The following POTEF variants were observed in gnomAD, a reference collection of about 807,000 sequenced individuals.
POTEF encodes the protein POTE ankyrin domain family member F.
In POTEF, 20 loss-of-function variants were observed where a neutral mutation model predicts 83.2. That is an observed-to-expected ratio of 0.24 (90% confidence interval 0.17 to 0.35). The LOEUF (loss-of-function observed/expected upper bound fraction) is 0.35. Among genes scored for constraint, POTEF ranks in the 10% least tolerant of loss-of-function variants. The pLI is 1.00. For synonymous variants in POTEF, 196 were observed against 446.4 expected, an observed-to-expected ratio of 0.44 and a Z score of 7.07; for missense variants, 550 against 1,203.2, an observed-to-expected ratio of 0.46 and a Z score of 8.03.
intron 5 of POTEF, among the ~76,000 whole-genome samples, chr2:130,114,338 T>A (rs2104820160): frequency 6.6e-6 from 1 of 151,262 alleles, no homozygotes; most frequent in East Asian, 1.9e-4. Flanking sequence ...TTCCCTCCAT[T>A]ATCTAATTTC....
In POTEF at chr2:130,115,477, T is replaced by A. The variant is rs556704038; in HGVS notation, c.522-149A>T. 7.6e-4 allele frequency: 842 copies of A among 1,101,982 alleles called. 22 individuals carry two copies. The South Asian group carries it at 0.013, about 17-fold the overall frequency. 68.3% of individuals were successfully genotyped at this position (1,101,982 alleles called of 1,614,324 possible). ...TTTCCCATGAAAAAAGCACACTATTTATTATCTCTCATTGCTCGCTGTATT... is the reference window on the plus strand; with the variant it reads ...TTTCCCATGAAAAAAGCACACTATTAATTATCTCTCATTGCTCGCTGTATT... On this transcript the variant is annotated intron_variant, in intron 3 of 16. Transcript: ENST00000409914.
rs1442097965 is a variant in POTEF, at chr2:130,075,227, G to C, written c.2245C>G (p.Gln749Glu). 2 of 1,612,510 alleles carry C rather than the reference G, an allele frequency of 1.2e-6. No individual in the cohort carries two copies. The highest frequency in any genetic ancestry group is 3.3e-5 in the Admixed American group (2 of 59,918). ...TCCTTGCCCACATAGGACTCTTTCT[G>C]ATGCATGCCCCCCATCATGCCCTGC... ...RQQGMMGGMH[Q>E]KESYVGKEAQ... The change falls in exon 17 of 17, where the codon CAG becomes GAG. Residue 749 changes from glutamine (Q) to glutamate (E), a missense_variant. Coordinates refer to ENST00000409914, the MANE Select transcript of POTEF (RefSeq NM_001099771.2).
At chr2:130,110,131 C>T (rs1684668990) in intron 7 of POTEF, among the ~76,000 whole-genome samples, 3 of 151,436 alleles carry the variant, frequency 2.0e-5, no homozygotes, top group Admixed American at 6.6e-5. Context: ...TGAACTCCTT[C>T]GGTTCTTGAA....
chr2:130,116,847 AAGG>A (rs1433154540), intron 3 of POTEF, among the ~76,000 whole-genome samples: 3 of 106,932 alleles, frequency 2.8e-5, no homozygotes, highest in Non-Finnish European at 1.9e-5. Context: ...TTCTGTTTGA[AAGG>A]AGGGAGGAAA....
At chr2:130,125,762 C>T (rs1175194366) in intron 2 of POTEF, among the ~76,000 whole-genome samples, 12 of 151,754 alleles carry the variant, frequency 7.9e-5, no homozygotes, top group African/African-American at 2.2e-4. Context: ...AAAAAGTAGC[C>T]GGGCGTGGTG....
At chr2:130,083,374 G>A (rs1683943814) in intron 15 of POTEF, among the ~76,000 whole-genome samples, 1 of 152,000 alleles carries the variant, frequency 6.6e-6, no homozygotes, top group African/African-American at 2.4e-5. Context: ...TGAGGACTGA[G>A]CCATGAGAAA....
chr2:130,101,012 T>C (rs201668009), intron 9 of POTEF, among the ~76,000 whole-genome samples: 3 of 146,790 alleles, frequency 2.0e-5, no homozygotes, highest in Non-Finnish European at 4.4e-5. Flanking sequence ...GCAAACTTAA[T>C]TTGGTCACCA....
chr2:130,092,149 C>A (rs1324775841), intron 12 of POTEF, among the ~76,000 whole-genome samples: 1 of 22,258 alleles, frequency 4.5e-5, no homozygotes, highest in East Asian at 9.9e-4. Context: ...GCATCTAGCA[C>A]ACAGTAAGCA....
In POTEF at chr2:130,074,207, T is replaced by G; in HGVS notation, c.*37A>C. 6.2e-7 allele frequency: 1 copy of G among 1,607,810 alleles called. No homozygotes were observed. The highest frequency in any genetic ancestry group is 8.5e-7 in the Non-Finnish European group (1 of 1,177,916). Reference sequence around the variant, plus strand: ...TTGTTTTCTGAGAAGTTTGGTTTTGTCAAGAAAGGGTGTAACGCAACTAAG... The same window carrying G: ...TTGTTTTCTGAGAAGTTTGGTTTTGGCAAGAAAGGGTGTAACGCAACTAAG... On this transcript the variant is annotated 3_prime_UTR_variant, in exon 17 of 17. Coordinates refer to ENST00000409914, the MANE Select transcript of POTEF (RefSeq NM_001099771.2).
chr2:130,122,176 ATATTT>A (rs1387831466), intron 2 of POTEF, among the ~76,000 whole-genome samples: 2 of 147,168 alleles, frequency 1.4e-5, no homozygotes, highest in East Asian at 2.1e-4. Flanking sequence ...TTGCCAAGTA[ATATTT>A]TATTTTATGG....
chr2:130,104,078 T>A (rs1412365056), intron 8 of POTEF, among the ~76,000 whole-genome samples: 1 of 149,630 alleles, frequency 6.7e-6, no homozygotes, highest in East Asian at 1.9e-4. Context: ...TACTGAACAA[T>A]TATTCATTAA....
rs1250822960 is a variant in POTEF, at chr2:130,092,350, TGAAATA to T, written c.1480+1082_1480+1087del. 5.5e-5 allele frequency among the ~76,000 whole-genome samples: 7 copies of T among 126,222 alleles called. 1 individual carries two copies. The South Asian group carries it at 8.0e-4, about 14-fold the overall frequency. The allele number at this position is 126,222 out of a possible 152,430, so 82.8% of individuals were successfully genotyped here. A position where few individuals can be genotyped will look rare whatever the true frequency, so the allele number is the denominator to read the frequency against. On this transcript the variant is annotated intron_variant, in intron 12 of 16. Coordinates refer to ENST00000409914, the MANE Select transcript of POTEF (RefSeq NM_001099771.2). ...AAATTCTGTTGAAAAACCACAGAAATGAAATAGAAACACTTCTGTTGTGAGCACCTT... is the reference window on the plus strand; with the variant it reads ...AAATTCTGTTGAAAAACCACAGAAATGAAACACTTCTGTTGTGAGCACCTT...
chr2:130,121,131 G>A (rs545342091), intron 2 of POTEF, among the ~76,000 whole-genome samples: 38 of 151,758 alleles, frequency 2.5e-4, no homozygotes, highest in Admixed American at 4.6e-4. Flanking sequence ...CGGCGTGCGC[G>A]TGCGCGTGCG....
chr2:130,105,345 A>T (rs1684493933), intron 8 of POTEF, among the ~76,000 whole-genome samples: 1 of 151,662 alleles, frequency 6.6e-6, no homozygotes, highest in Admixed American at 6.6e-5. Flanking sequence ...TGAGATTCCT[A>T]ACTTTATGTA....
intron 2 of POTEF, among the ~76,000 whole-genome samples, chr2:130,121,293 A>C (rs543187065): frequency 1.4e-4 from 21 of 149,116 alleles, no homozygotes; most frequent in Admixed American, 2.6e-4. Flanking sequence ...CAAGCCACTG[A>C]GAAGCCTCTG....
chr2:130,107,746 C>G, intron 8 of POTEF: 1 of 426,728 alleles, frequency 2.3e-6, no homozygotes, highest in Non-Finnish European at 4.2e-6. Context: ...ACTTTGCCCC[C>G]AGATGAGACC....
In POTEF at chr2:130,075,047, T is replaced by G. The variant is rs4494683; in HGVS notation, c.2425A>C (p.Thr809Pro). Residue 809 changes from threonine to proline, a missense_variant, in exon 17 of 17, where the codon ACC becomes CCC. Coordinates refer to ENST00000409914, the MANE Select transcript of POTEF (RefSeq NM_001099771.2). Reference sequence around the variant, plus strand: ...TCGCGGTTGGCCTTAGGGTTCAGGGTGGCCTCGGTCAGCAGGACGGGGTGC... The same window carrying G: ...TCGCGGTTGGCCTTAGGGTTCAGGGGGGCCTCGGTCAGCAGGACGGGGTGC... Reference protein sequence around the residue: ...EEHPVLLTEATLNPKANREKM... With the variant: ...EEHPVLLTEAPLNPKANREKM... 38 of 1,613,384 alleles carry G rather than the reference T, an allele frequency of 2.4e-5. No individual in the cohort carries two copies. The East Asian group carries it at 5.6e-4, about 24-fold the overall frequency.
chr2:130,105,258 A>G (rs1173020479), intron 8 of POTEF, among the ~76,000 whole-genome samples: 3 of 151,490 alleles, frequency 2.0e-5, no homozygotes, highest in Non-Finnish European at 2.9e-5. Flanking sequence ...TATTTCTTAC[A>G]TAAAAAAAAT....
At chr2:130,094,998 A>G (rs182546145) in intron 11 of POTEF, among the ~76,000 whole-genome samples, 819 of 150,960 alleles carry the variant, frequency 5.4e-3, no homozygotes, top group Admixed American at 0.023. Context: ...TTACCAGGCA[A>G]AACTGTTAGG....
Sources: allele counts gnomAD v4.1 joint callset (sites outside exome capture counted in the v4.1 genomes callset), GRCh38; gene constraint gnomAD v4.1.1; transcripts MANE v1.5; gene names NCBI Gene and HGNC (gene_info 2026-07-23, HGNC 2026-07-21).